ERBB4: variants seen among roughly 807,000 people sequenced by gnomAD.
The protein encoded by ERBB4 is receptor tyrosine-protein kinase erbB-4.
In ERBB4, 42 loss-of-function variants were observed where a neutral mutation model predicts 158.0. The observed-to-expected ratio is 0.27, with a 90% CI of 0.21 to 0.34. ERBB4 has a LOEUF of 0.34. Among genes scored for constraint, ERBB4 ranks in the 10% least tolerant of loss-of-function variants. ERBB4 has a pLI of 1.00. For missense variants in ERBB4, 1,333 were observed against 1,624.1 expected (o/e 0.82, Z 3.08); for synonymous variants, 583 against 558.7 (o/e 1.04, Z -0.61).
intron 1 of ERBB4, among the ~76,000 whole-genome samples, chr2:212,422,350 C>A (rs2091812481): frequency 6.6e-6 from 1 of 151,998 alleles, no homozygotes; most frequent in Non-Finnish European, 1.5e-5. Flanking sequence ...ACTAAAAATA[C>A]AAAAATTAGT....
chr2:211,934,939 A>AAAAAAAAAAAAAAAAAAAAAAAAAC (rs2080277401), intron 3 of ERBB4, among the ~76,000 whole-genome samples: 1 of 150,460 alleles, frequency 6.6e-6, no homozygotes, highest in Non-Finnish European at 1.5e-5. Context: ...AAAAAAAAAA[A>AAAAAAAAAAAAAAAAAAAAAAAAAC]AACTGCCTTG....
At chr2:211,413,352 A>AT (rs1213978200) in intron 25 of ERBB4, among the ~76,000 whole-genome samples, 23 of 134,388 alleles carry the variant, frequency 1.7e-4, no homozygotes, top group South Asian at 6.9e-4. Flanking sequence ...ACACACATTG[A>AT]TAAAAAAAAA....
intron 2 of ERBB4, among the ~76,000 whole-genome samples, chr2:212,003,152 A>AAGGAAGGAAGGAAGGAAGGAAG (rs1559292454): frequency 4.3e-5 from 1 of 23,002 alleles, no homozygotes; most frequent in Non-Finnish European, 9.8e-5. Context: ...AAGGAAGGAA[A>AAGGAAGGAAGGAAGGAAGGAAG]GAAAGAAAGA....
In ERBB4 at chr2:211,860,704, A is replaced by G. The variant is rs139612623; in HGVS notation, c.422-72545T>C. On this transcript the variant is annotated intron_variant, in intron 3 of 27. Coordinates refer to ENST00000342788, the MANE Select transcript of ERBB4 (RefSeq NM_005235.3). ...TTAGTGCTATGTTACTGACAGAAAG[A>G]TGATTTCCCAAACCTTAGGAAATAC... is the stretch of plus-strand genomic sequence containing the variant. Among the ~76,000 whole-genome samples the G allele has an allele frequency of 8.7e-3, 1,321 of 151,666 alleles. 15 individuals carry two copies. The highest frequency in any genetic ancestry group is 0.03 in the African/African-American group (1,255 of 41,392).
In ERBB4 at chr2:211,457,940, T is replaced by G. The variant is rs183203736; in HGVS notation, c.2488-26840A>C. On this transcript the variant is annotated intron_variant, in intron 20 of 27. Transcript: ENST00000342788. ...CTCACAAAATTGCATACCATTCATG[T>G]GCTACTTCAGATCCTTTTGTCTCAC... Among the ~76,000 whole-genome samples, 4 of 152,348 alleles carry G rather than the reference T, an allele frequency of 2.6e-5. No individual in the cohort carries two copies. The East Asian group carries it at 7.7e-4, about 29-fold the overall frequency.
At chr2:212,527,116 G>A (rs530507857) in intron 1 of ERBB4, among the ~76,000 whole-genome samples, 38 of 152,034 alleles carry the variant, frequency 2.5e-4, no homozygotes, top group African/African-American at 9.2e-4. Flanking sequence ...TTCCTTTAAA[G>A]TACATCCAAC....
intron 20 of ERBB4, among the ~76,000 whole-genome samples, chr2:211,439,666 A>C (rs1257587524): frequency 6.6e-6 from 1 of 152,286 alleles, no homozygotes; most frequent in Non-Finnish European, 1.5e-5. Flanking sequence ...CTGTACATCA[A>C]TTTCCTTGTC....
chr2:211,433,599 A>G lies in ERBB4; in HGVS notation c.2488-2499T>C, dbSNP rs114175105. Among the ~76,000 whole-genome samples, 510 of 152,102 alleles carry G rather than the reference A, an allele frequency of 3.4e-3. 2 individuals are homozygous for G. Among genetic ancestry groups the G allele is most frequent in the African/African-American group, 0.012 (479 of 41,440 alleles). On this transcript the variant is annotated intron_variant, in intron 20 of 27. Coordinates refer to ENST00000342788, the MANE Select transcript of ERBB4 (RefSeq NM_005235.3). Reference sequence around the variant, plus strand: ...CTCAAAAAAAAATAAAATAAAATAAAAAAAGGGGAGTGAGAGATTATTGTT... The same window carrying G: ...CTCAAAAAAAAATAAAATAAAATAAGAAAAGGGGAGTGAGAGATTATTGTT...
At chr2:212,219,981 C>T (rs116202156) in intron 1 of ERBB4, among the ~76,000 whole-genome samples, 1,875 of 144,370 alleles carry the variant, frequency 0.013, 31 homozygotes, top group African/African-American at 0.044. Flanking sequence ...TGGGATTTTT[C>T]ATCAGTGTTG....
chr2:212,384,416 G>A (rs192095031), intron 1 of ERBB4, among the ~76,000 whole-genome samples: 1 of 147,148 alleles, frequency 6.8e-6, no homozygotes, highest in African/African-American at 2.7e-5. Context: ...GTGACGGAGA[G>A]AGTATATAAG....
chr2:212,496,632 A>G (rs189403153), intron 1 of ERBB4, among the ~76,000 whole-genome samples: 8 of 152,310 alleles, frequency 5.3e-5, no homozygotes. Flanking sequence ...TTCACGATAC[A>G]TTATTTGAAG....
chr2:212,514,194 A>G (rs79574219), intron 1 of ERBB4, among the ~76,000 whole-genome samples: 1 of 152,056 alleles, frequency 6.6e-6, no homozygotes, highest in African/African-American at 2.4e-5. Flanking sequence ...AAAAAAAAAA[A>G]GCTTTGCTGC....
chr2:212,519,071 C>T (rs1692003509), intron 1 of ERBB4, among the ~76,000 whole-genome samples: 1 of 152,030 alleles, frequency 6.6e-6, no homozygotes, highest in South Asian at 2.1e-4. Flanking sequence ...CTAATCAAGA[C>T]TTCTGACTGG....
intron 1 of ERBB4, among the ~76,000 whole-genome samples, chr2:212,285,160 G>C (rs1457103357): frequency 6.6e-6 from 1 of 152,060 alleles, no homozygotes; most frequent in Non-Finnish European, 1.5e-5. Flanking sequence ...TTAAATGAAG[G>C]CTCAGTTATA....
At chr2:211,976,002 T>A (rs1296196788) in intron 2 of ERBB4, among the ~76,000 whole-genome samples, 1 of 152,196 alleles carries the variant, frequency 6.6e-6, no homozygotes, top group Non-Finnish European at 1.5e-5. Context: ...TTGTATAACA[T>A]ATTCTTAATA....
intron 2 of ERBB4, among the ~76,000 whole-genome samples, chr2:212,085,053 C>T (rs559220308): frequency 6.6e-6 from 1 of 151,942 alleles, no homozygotes; most frequent in South Asian, 2.1e-4. Context: ...ATAGTGAATA[C>T]AAAATAAACA....
intron 25 of ERBB4, among the ~76,000 whole-genome samples, chr2:211,414,933 A>AATAAAAGTGAGATATTTAATTT (rs2063349619): frequency 6.6e-6 from 1 of 152,090 alleles, no homozygotes; most frequent in Non-Finnish European, 1.5e-5. Flanking sequence ...GGCTTTGTGA[A>AATAAAAGTGAGATATTTAATTT]ATAAAAGTGA....
intron 12 of ERBB4, among the ~76,000 whole-genome samples, chr2:211,701,725 T>C (rs530378344): frequency 3.5e-4 from 43 of 122,860 alleles, no homozygotes; most frequent in East Asian, 3.4e-3. Flanking sequence ...CACTGCACTC[T>C]AGCCTGGGGC....
At chr2:212,346,843 A>G (rs1378395572) in intron 1 of ERBB4, among the ~76,000 whole-genome samples, 1 of 152,136 alleles carries the variant, frequency 6.6e-6, no homozygotes, top group East Asian at 1.9e-4. Context: ...GGAAGGAAAT[A>G]AATAATTAAT....
Sources: gnomAD v4.1 joint callset for allele counts (sites outside exome capture counted in the v4.1 genomes callset) on GRCh38, gnomAD v4.1.1 for gene constraint, MANE v1.5 for transcripts, NCBI Gene and HGNC (gene_info 2026-07-23, HGNC 2026-07-21) for gene names.